The following TNXB variants were observed in gnomAD, a reference collection of about 807,000 sequenced individuals.
TNXB encodes tenascin XB.
In TNXB, 183 loss-of-function variants were observed where a neutral mutation model predicts 340.5. The ratio of observed to expected loss-of-function variants is 0.54; its 90% CI spans 0.48 to 0.61. The LOEUF (loss-of-function observed/expected upper bound fraction) is 0.61. Ranked by LOEUF, TNXB falls within the 20% of genes least tolerant of loss-of-function variation. The pLI is 0.00. For missense variants in TNXB, 4,613 were observed against 5,446.4 expected (o/e 0.85, Z 4.82); for synonymous variants, 2,121 against 2,314.5 (o/e 0.92, Z 2.40).
At chr6:32,104,835 C>A in intron 1 of TNXB, among the ~76,000 whole-genome samples, 1 of 152,018 alleles carries the variant, frequency 6.6e-6, no homozygotes, top group East Asian at 1.9e-4. Flanking sequence ...CAGGATCTTT[C>A]TATGTTGCTC....
chr6:32,096,608 C>T lies in TNXB; in HGVS notation c.1245G>A (p.Glu415=), dbSNP rs1170909525. ...PGDCNQRGRC[E]DGRCVCWPGY... is the part of the protein sequence containing the mutation. ...CCGGCCAGCACACGCAGCGGCCGTC[C>T]TCGCAGCGGCCCCTTTGGTTGCAGT... is the stretch of plus-strand genomic sequence containing the variant. Residue 415 remains glutamate (E), a synonymous_variant, in exon 3 of 44, where the codon GAG becomes GAA. Coordinates refer to ENST00000644971, the MANE Select transcript of TNXB (RefSeq NM_001365276.2). 1 of 1,569,588 alleles carries T rather than the reference C, an allele frequency of 6.4e-7. No homozygotes were observed. The highest frequency in any genetic ancestry group is 1.2e-5 in the South Asian group (1 of 86,088).
At position 32,097,825 on chromosome 6, in the gene TNXB, C is replaced by T. The variant is rs770463109; in HGVS notation, c.374G>A (p.Cys125Tyr). 7.3e-6 allele frequency: 11 copies of T among 1,510,080 alleles called. No homozygotes were observed. The highest frequency in any genetic ancestry group is 8.9e-6 in the Non-Finnish European group (10 of 1,127,198). 93.5% of individuals were successfully genotyped at this position (1,510,080 alleles called of 1,614,324 possible). ...GCCAGCTTGGGCAGAGGCAGGACAACATCCCCCAGTGCACTGTTCCTTGAG... is the reference window on the plus strand; with the variant it reads ...GCCAGCTTGGGCAGAGGCAGGACAATATCCCCCAGTGCACTGTTCCTTGAG... ...KGLKEQCTGG[C>Y]CPASAQAGTG... The change falls in exon 2 of 44, where the codon TGT becomes TAT. Residue 125 changes from cysteine to tyrosine, a missense_variant. By Grantham distance (194) the Cys-to-Tyr change is radical. Coordinates refer to ENST00000644971, the MANE Select transcript of TNXB (RefSeq NM_001365276.2). The surrounding 1 kb of genome is among the most constrained non-coding windows in gnomAD (Gnocchi z 5.9).
chr6:32,089,565 G>A lies in TNXB; in HGVS notation c.2359-186C>T, dbSNP rs569087638. 1.6e-4 allele frequency among the ~76,000 whole-genome samples: 25 copies of A among 152,308 alleles called. 1 individual carries two copies. The East Asian group carries it at 4.8e-3, about 29-fold the overall frequency. On this transcript the variant is annotated intron_variant, in intron 4 of 43. Transcript: ENST00000644971. This position sits in a 1 kb window ranked among gnomAD's most constrained non-coding sequence, Gnocchi z 6.2. ...CTCCTTGTGAGCCACTGTTCTAGGC[G>A]AGGTACACACATGAACTCACTTAAT...
chr6:32,068,397 C>T lies in TNXB; in HGVS notation c.6213G>A (p.Gly2071=). Residue 2071 remains glycine, a synonymous_variant, in exon 17 of 44, where the codon GGG becomes GGA. Transcript: ENST00000644971. This position sits in a 1 kb window ranked among gnomAD's most constrained non-coding sequence, Gnocchi z 5.3. ...GQRMGPVSVV[G]VTAAEEETPS... is the part of the protein sequence containing the mutation. ...CTCCCATCATCCACTCACCTGTCACCCCGACGACAGACACAGGGCCCATGC... is the reference window on the plus strand; with the variant it reads ...CTCCCATCATCCACTCACCTGTCACTCCGACGACAGACACAGGGCCCATGC... The T allele has an allele frequency of 1.9e-6, 3 of 1,613,238 alleles. No individual in the cohort carries two copies. The highest frequency in any genetic ancestry group is 2.5e-6 in the Non-Finnish European group (3 of 1,179,466).
In TNXB at chr6:32,095,654, G is replaced by A. The variant is rs1780288475; in HGVS notation, c.2199C>T (p.Ser733=). The A allele has an allele frequency of 6.2e-7, 1 of 1,613,978 alleles. No homozygotes were observed. Among genetic ancestry groups the A allele is most frequent in the East Asian group, 2.2e-5 (1 of 44,874 alleles). ...CRGRGECHDG[S]CVCKDGYAGE... is the part of the protein sequence containing the mutation. ...CAGCATACCCATCTTTGCAGACACA[G>A]CTGCCATCGTGACACTCTCCTCGGC... The change falls in exon 3 of 44, where the codon AGC becomes AGT. Residue 733 remains serine, a synonymous_variant. Transcript: ENST00000644971.
chr6:32,048,242 C>G, intron 29 of TNXB, 121 bp downstream of exon 29: 2 of 1,210,728 alleles, frequency 1.7e-6, no homozygotes, highest in Non-Finnish European at 2.2e-6. Flanking sequence ...CTGGGTTTTC[C>G]TGGACCCAAT....
At position 32,052,922 on chromosome 6, in the gene TNXB, G is replaced by A; in HGVS notation, c.8863C>T (p.Leu2955=). The A allele has an allele frequency of 6.2e-7, 1 of 1,612,836 alleles. No individual in the cohort carries two copies. Among genetic ancestry groups the A allele is most frequent in the Non-Finnish European group, 8.5e-7 (1 of 1,179,844 alleles). Residue 2955 remains leucine, a synonymous_variant, in exon 26 of 44, where the codon CTG becomes TTG. Transcript: ENST00000644971. This position sits in a 1 kb window ranked among gnomAD's most constrained non-coding sequence, Gnocchi z 4.7. ...EAPEPPEEPL[L]GELTVTGSSP... Reference sequence around the variant, plus strand: ...GATCCTGTCACTGTCAGCTCCCCCAGGAGCGGCTCCTCAGGGGGCTCCGGG... The same window carrying A: ...GATCCTGTCACTGTCAGCTCCCCCAAGAGCGGCTCCTCAGGGGGCTCCGGG...
intron 6 of TNXB, among the ~76,000 whole-genome samples, chr6:32,088,163 C>G (rs2127271050): frequency 6.6e-6 from 1 of 152,324 alleles, no homozygotes; most frequent in South Asian, 2.1e-4. Flanking sequence ...CCGCAGCCCC[C>G]CCATTCCCCT....
rs747680383 is a variant in TNXB, at chr6:32,055,929, C to A, written c.8389G>T (p.Gly2797Trp). The A allele has an allele frequency of 2.5e-6, 4 of 1,613,416 alleles. No individual in the cohort carries two copies. Among genetic ancestry groups the A allele is most frequent in the African/African-American group, 2.7e-5 (2 of 74,920 alleles). ...TACAGGTGCATCTTGTATTTGCGCC[C>A]GGGCTCCAGGCCCCCCACGGTGACC... ...SEVTVGGLEPGRKYKMHLYGL... is the reference protein window; with the variant it reads ...SEVTVGGLEPWRKYKMHLYGL... Residue 2797 changes from glycine (G) to tryptophan (W), a missense_variant, in exon 24 of 44, where the codon GGG becomes TGG. Gly to Trp is a radical substitution (Grantham distance 184). This residue lies in a region of TNXB where 4,327 missense variants were observed against 4,859.4 expected (regional missense o/e 0.89). Coordinates refer to ENST00000644971, the MANE Select transcript of TNXB (RefSeq NM_001365276.2).
Position 32,084,605 on chromosome 6 carries a change from G to A in TNXB, c.3253C>T (p.Pro1085Ser). ...ACGAAGGAGTCAAACTCGCCCTCGG[G>A]GACCGTCCAGCGCAGGAGCAAGGAG... ...SDSLLLRWTV[P>S]EGEFDSFVIQ... The change falls in exon 8 of 44, where the codon CCC becomes TCC. Residue 1085 changes from proline (P) to serine (S), a missense_variant. Pro to Ser is a moderately conservative substitution (Grantham distance 74). Around this residue, in one of 7 missense-constraint regions of TNXB, gnomAD observed 4,327 missense variants for 4,859.4 expected, o/e 0.89. Transcript: ENST00000644971. The surrounding 1 kb of genome is among the most constrained non-coding windows in gnomAD (Gnocchi z 5.5). 1 of 1,608,108 alleles carries A rather than the reference G, an allele frequency of 6.2e-7. No individual in the cohort carries two copies. Among genetic ancestry groups the A allele is most frequent in the Non-Finnish European group, 8.5e-7 (1 of 1,178,368 alleles).
Position 32,095,758 on chromosome 6 carries a change from G to A in TNXB, c.2095C>T (p.Arg699Trp), listed in dbSNP as rs747560876. 7.4e-6 allele frequency: 12 copies of A among 1,613,624 alleles called. No individual in the cohort carries two copies. The highest frequency in any genetic ancestry group is 6.7e-5 in the Admixed American group (4 of 59,974). Residue 699 changes from arginine (R) to tryptophan (W), a missense_variant, in exon 3 of 44, where the codon CGG becomes TGG. Coordinates refer to ENST00000644971, the MANE Select transcript of TNXB (RefSeq NM_001365276.2). ...PGGCGPRELC[R>W]AGQCVCVEGF... is the part of the protein sequence containing the mutation. Reference sequence around the variant, plus strand: ...TCTACACACACACACTGGCCTGCCCGGCACAGTTCCCGGGGCCCGCAGCCT... The same window carrying A: ...TCTACACACACACACTGGCCTGCCCAGCACAGTTCCCGGGGCCCGCAGCCT...
At position 32,108,641 on chromosome 6, in the gene TNXB, G is replaced by A. The variant is rs1223366375; in HGVS notation, c.-9+540C>T. Among the ~76,000 whole-genome samples the A allele has an allele frequency of 6.6e-6, 1 of 151,950 alleles. No individual in the cohort carries two copies. The highest frequency in any genetic ancestry group is 1.5e-5 in the Non-Finnish European group (1 of 67,938). ...AGACCTCCCTCCCTGCAACTCTCAC[G>A]CTGCCACCTAGGGAGTCCCCATTTG... On this transcript the variant is annotated intron_variant, in intron 1 of 43. Transcript: ENST00000644971. This position sits in a 1 kb window ranked among gnomAD's most constrained non-coding sequence, Gnocchi z 4.8.
Position 32,046,603 on chromosome 6 carries a change from C to T in TNXB, c.10325-147G>A. On this transcript the variant is annotated intron_variant, in intron 30 of 43. Coordinates refer to ENST00000644971, the MANE Select transcript of TNXB (RefSeq NM_001365276.2). This position sits in a 1 kb window ranked among gnomAD's most constrained non-coding sequence, Gnocchi z 6.9. ...CTTGAGGAGACACACAGGCCTGCTCCCGCCATGCCCCACAGGAATGAGGGA... is the reference window on the plus strand; with the variant it reads ...CTTGAGGAGACACACAGGCCTGCTCTCGCCATGCCCCACAGGAATGAGGGA... The T allele has an allele frequency of 1.6e-6, 1 of 632,032 alleles. No homozygotes were observed. 39.2% of individuals were successfully genotyped at this position (632,032 alleles called of 1,614,324 possible).
intron 1 of TNXB, among the ~76,000 whole-genome samples, chr6:32,101,156 A>G (rs1297226627): frequency 6.6e-6 from 1 of 151,958 alleles, no homozygotes; most frequent in African/African-American, 2.4e-5. Context: ...TTAAATTGTC[A>G]AAAGACAAAC....
rs547395414 is a variant in TNXB at position 32,051,345 on chromosome 6, A to G, written c.9116-1024T>C. Among the ~76,000 whole-genome samples, 1 of 152,380 alleles carries G rather than the reference A, an allele frequency of 6.6e-6. No homozygotes were observed. Among genetic ancestry groups the G allele is most frequent in the Admixed American group, 6.5e-5 (1 of 15,308 alleles). ...GGACAGGAACTTTTCCCATTAGGAC[A>G]GGAACCCTAACTCTGAGCCTAACCT... is the stretch of plus-strand genomic sequence containing the variant. On this transcript the variant is annotated intron_variant, in intron 26 of 43. Coordinates refer to ENST00000644971, the MANE Select transcript of TNXB (RefSeq NM_001365276.2). This position sits in a 1 kb window ranked among gnomAD's most constrained non-coding sequence, Gnocchi z 4.7.
intron 21 of TNXB, among the ~76,000 whole-genome samples, chr6:32,059,216 C>T (rs891019758): frequency 6.6e-6 from 1 of 151,012 alleles, no homozygotes; most frequent in Non-Finnish European, 1.5e-5. Flanking sequence ...GTTGGGAATT[C>T]GAGTCTAGCT....
intron 21 of TNXB, among the ~76,000 whole-genome samples, chr6:32,060,898 C>T (rs1421321313): frequency 6.6e-6 from 1 of 152,036 alleles, no homozygotes; most frequent in African/African-American, 2.4e-5. Flanking sequence ...CTCGGCCTCC[C>T]AAAGTGCTGG....
rs1470715856 is a variant in TNXB at position 32,095,208 on chromosome 6, G to A, written c.2243-17C>T. ...TTGGCACCTCTGCCCAAGAGAATGG[G>A]TTAGGGAAAGCTGGTTAGCACAAGG... On this transcript the variant is annotated splice_polypyrimidine_tract_variant and intron_variant, in intron 3 of 43. Coordinates refer to ENST00000644971, the MANE Select transcript of TNXB (RefSeq NM_001365276.2). 3.9e-6 allele frequency: 6 copies of A among 1,545,228 alleles called. No homozygotes were observed. The highest frequency in any genetic ancestry group is 5.3e-6 in the Non-Finnish European group (6 of 1,142,186).
rs1415137588 is a variant in TNXB at position 32,048,586 on chromosome 6, G to A, written c.9822C>T (p.Thr3274=). ...RLGELAVAAV[T]SDSVGLSWTV... is the part of the protein sequence containing the mutation. ...TCCATGAGAGGCCCACTGAGTCCGA[G>A]GTCACGGCCGCCACCGCCAGCTCCC... Residue 3274 remains threonine, a synonymous_variant, in exon 29 of 44, where the codon ACC becomes ACT. Transcript: ENST00000644971. 1 of 1,541,332 alleles carries A rather than the reference G, an allele frequency of 6.5e-7. No homozygotes were observed. Among genetic ancestry groups the A allele is most frequent in the Non-Finnish European group, 8.8e-7 (1 of 1,140,048 alleles).
Sources: gnomAD v4.1 joint callset for allele counts (sites outside exome capture counted in the v4.1 genomes callset) on GRCh38, gnomAD v4.1.1 for gene constraint, gnomAD v4.1.1 regional missense constraint, Gnocchi (gnomAD v3.1) non-coding constraint, MANE v1.5 for transcripts, NCBI Gene and HGNC (gene_info 2026-07-23, HGNC 2026-07-21) for gene names.